The following RCBTB2 variants were observed in gnomAD, a reference collection of about 807,000 sequenced individuals.
RCBTB2 encodes the protein RCC1 and BTB domain-containing protein 2.
A neutral mutation model predicts 65.4 loss-of-function variants in RCBTB2; 55 were observed. The observed-to-expected ratio is 0.84, with a 90% confidence interval of 0.68 to 1.05. The LOEUF is 1.05. RCBTB2 is among the 50% of genes least tolerant of loss of function. The pLI, the probability that RCBTB2 is intolerant of heterozygous loss-of-function variation, is 0.00. For missense variants in RCBTB2, 599 were observed against 680.1 expected, an observed-to-expected ratio of 0.88 and a Z score of 1.33; for synonymous variants, 220 against 255.2, an observed-to-expected ratio of 0.86 and a Z score of 1.31.
chr13:48,507,287 C>T (rs534311822), intron 10 of RCBTB2, among the ~76,000 whole-genome samples: 21 of 152,188 alleles, frequency 1.4e-4, no homozygotes, highest in African/African-American at 4.8e-4. Context: ...CCCAAGCAAC[C>T]GCTAAGGAAT....
Position 48,489,809 on chromosome 13 carries a change from T to C in RCBTB2, c.*302A>G, listed in dbSNP as rs531316923. On this transcript the variant is annotated 3_prime_UTR_variant, in exon 15 of 15. Coordinates refer to ENST00000344532, the MANE Select transcript of RCBTB2 (RefSeq NM_001268.4). ...ATGGAACATTTGGGCCAGAATAGCA[T>C]ATACTGAGACCAGGGTACCAAAGGT... 2 of 381,878 alleles carry C rather than the reference T, an allele frequency of 5.2e-6. No homozygotes were observed. Among genetic ancestry groups the C allele is most frequent in the South Asian group, 2.5e-5 (1 of 39,530 alleles). 23.7% of individuals were successfully genotyped at this position (381,878 alleles called of 1,614,324 possible).
intron 13 of RCBTB2, among the ~76,000 whole-genome samples, chr13:48,499,138 A>ACTCTCTCT: frequency 6.9e-6 from 1 of 145,812 alleles, no homozygotes; most frequent in African/African-American, 2.7e-5. Context: ...ACACACACAC[A>ACTCTCTCT]CACACTCTCT....
intron 6 of RCBTB2, 81 bp from the exon 7 acceptor site, chr13:48,512,976 A>G: frequency 8.6e-7 from 1 of 1,157,514 alleles, no homozygotes; most frequent in East Asian, 2.4e-5. Context: ...AGCTTCCACA[A>G]ATGAAATCTA....
In RCBTB2 at chr13:48,499,652, G is replaced by C. The variant is rs1950143438; in HGVS notation, c.1353C>G (p.Asp451Glu). 3.7e-6 allele frequency: 6 copies of C among 1,614,152 alleles called. No homozygotes were observed. The highest frequency in any genetic ancestry group is 5.1e-6 in the Non-Finnish European group (6 of 1,180,020). Residue 451 changes from aspartate to glutamate, a missense_variant, in exon 13 of 15, where the codon GAC becomes GAG. Transcript: ENST00000344532. ...YRAFLEYLYT[D>E]SISLSPEEAV... ...CCTCCTCAGGAGAAAGGCTGATGCT[G>C]TCTGTGTATAGGTATTCCAGGAAGG... is the stretch of plus-strand genomic sequence containing the variant.
At chr13:48,532,537 T>G (rs1952200423) in intron 1 of RCBTB2, 1 of 167,736 alleles carries the variant, frequency 6.0e-6, no homozygotes, top group African/African-American at 2.5e-5. Flanking sequence ...AGGGAGAAAC[T>G]TCAGGCAGGA....
intron 12 of RCBTB2, among the ~76,000 whole-genome samples, chr13:48,501,141 G>A (rs906433337): frequency 6.6e-6 from 1 of 152,238 alleles, no homozygotes; most frequent in African/African-American, 2.4e-5. Context: ...GGTCTTTGAA[G>A]GGTGATGGGA....
intron 13 of RCBTB2, among the ~76,000 whole-genome samples, chr13:48,497,598 C>T (rs1950036403): frequency 6.6e-6 from 1 of 152,170 alleles, no homozygotes; most frequent in Admixed American, 6.5e-5. Flanking sequence ...AATCCGGCTA[C>T]TAGAACACTG....
intron 6 of RCBTB2, among the ~76,000 whole-genome samples, chr13:48,514,976 A>C (rs1168835730): frequency 6.6e-6 from 1 of 152,256 alleles, no homozygotes; most frequent in Non-Finnish European, 1.5e-5. Flanking sequence ...TCAGTTCGTC[A>C]GTGTTTACTG....
At chr13:48,514,304 G>A (rs9331997) in intron 6 of RCBTB2, among the ~76,000 whole-genome samples, 173 of 152,286 alleles carry the variant, frequency 1.1e-3, no homozygotes, top group Middle Eastern at 3.4e-3. Context: ...ACAAAGGGAT[G>A]GTTCATGTCC....
chr13:48,500,997 A>C (rs1023933142), intron 12 of RCBTB2, among the ~76,000 whole-genome samples: 1 of 152,216 alleles, frequency 6.6e-6, no homozygotes, highest in Non-Finnish European at 1.5e-5. Flanking sequence ...GAATTTCAAA[A>C]TCATCATGTA....
intron 4 of RCBTB2, 73 bp downstream of exon 4, chr13:48,521,825 C>T (rs1951442357): frequency 1.4e-6 from 2 of 1,404,102 alleles, no homozygotes; most frequent in Admixed American, 3.4e-5. Context: ...CTATCGGTGA[C>T]CAATAGGTGC....
At chr13:48,490,530 G>A (rs1566249809) in intron 14 of RCBTB2, among the ~76,000 whole-genome samples, 1 of 152,212 alleles carries the variant, frequency 6.6e-6, no homozygotes, top group Non-Finnish European at 1.5e-5. Flanking sequence ...ATAGGCATGT[G>A]AGTGTGTGAA....
intron 5 of RCBTB2, 95 bp from the exon 6 acceptor site, chr13:48,515,450 T>G: frequency 7.1e-7 from 1 of 1,400,746 alleles, no homozygotes; most frequent in Non-Finnish European, 9.8e-7. Flanking sequence ...AGCAAACTGC[T>G]TCTTTATATA....
chr13:48,511,806 G>T lies in RCBTB2; in HGVS notation c.747C>A (p.Cys249Ter), dbSNP rs1191872040. 6.2e-7 allele frequency: 1 copy of T among 1,614,178 alleles called. No homozygotes were observed. The highest frequency in any genetic ancestry group is 8.5e-7 in the Non-Finnish European group (1 of 1,180,030). ...GGATGCCTTGCAAAGCTGCCACTCTGCAAGGGGTTGGCTGGTTGCCACTGT... is the reference window on the plus strand; with the variant it reads ...GGATGCCTTGCAAAGCTGCCACTCTTCAAGGGGTTGGCTGGTTGCCACTGT... The part of the protein sequence containing the change: ...LGNSGNQPTP[C>*]RVAALQGIRV... Residue 249 changes from cysteine to a stop codon, truncating the protein, a stop_gained, in exon 9 of 15, where the codon TGC (cysteine) becomes TGA (stop). Transcript: ENST00000344532. LOFTEE classifies it high-confidence loss of function.
chr13:48,506,434 G>A (rs116654128), intron 10 of RCBTB2, among the ~76,000 whole-genome samples: 1,691 of 152,342 alleles, frequency 0.011, 24 homozygotes, highest in African/African-American at 0.039. Context: ...GCAAGGGAGA[G>A]AAAGAATAGT....
At chr13:48,528,356 T>C (rs1443215985) in intron 1 of RCBTB2, among the ~76,000 whole-genome samples, 1 of 152,184 alleles carries the variant, frequency 6.6e-6, no homozygotes, top group African/African-American at 2.4e-5. Flanking sequence ...AAATTCAACT[T>C]AATGAGATCA....
chr13:48,530,123 T>C (rs1277627121), intron 1 of RCBTB2, among the ~76,000 whole-genome samples: 1 of 152,056 alleles, frequency 6.6e-6, no homozygotes, highest in African/African-American at 2.4e-5. Context: ...GGTCTCTAAC[T>C]CCTGGGCTCA....
chr13:48,493,977 T>G (rs186900066), intron 14 of RCBTB2, among the ~76,000 whole-genome samples: 21 of 152,322 alleles, frequency 1.4e-4, no homozygotes, highest in Admixed American at 1.0e-3. Flanking sequence ...ACTCCTGATT[T>G]CAAAATACTG....
intron 4 of RCBTB2, among the ~76,000 whole-genome samples, chr13:48,518,472 A>AAAAAAATAT (rs1491137365): frequency 1.7e-5 from 2 of 116,620 alleles, no homozygotes; most frequent in African/African-American, 7.5e-5. Flanking sequence ...AAAAAAAAAA[A>AAAAAAATAT]ATATATATAT....
Sources: allele counts gnomAD v4.1 joint callset (sites outside exome capture counted in the v4.1 genomes callset), GRCh38; gene constraint gnomAD v4.1.1; transcripts MANE v1.5; gene names NCBI Gene and HGNC (gene_info 2026-07-23, HGNC 2026-07-21).